FARP1: variants seen among roughly 807,000 people sequenced by gnomAD.
FARP1 encodes FERM, ARHGEF and pleckstrin domain-containing protein 1.
Under a neutral mutation model 128.8 loss-of-function variants are expected in FARP1, and 52 were observed. The ratio of observed to expected loss-of-function variants is 0.40; its 90% CI spans 0.32 to 0.51. The LOEUF is 0.51. FARP1 is among the 20% of genes least tolerant of loss of function. FARP1 has a pLI of 0.45. For missense variants in FARP1, 1,333 were observed against 1,367.9 expected (o/e 0.97, Z 0.40); for synonymous variants, 580 against 551.8 (o/e 1.05, Z -0.72).
intron 1 of FARP1, chr13:98,177,060 G>A (rs777202505): frequency 1.3e-6 from 2 of 1,595,506 alleles, no homozygotes; most frequent in Admixed American, 3.3e-5. Context: ...CCACCCGCGG[G>A]GGCTGAGCCA....
At chr13:98,376,351 A>C (rs1367454180) in intron 5 of FARP1, among the ~76,000 whole-genome samples, 3 of 152,186 alleles carry the variant, frequency 2.0e-5, no homozygotes, top group South Asian at 2.1e-4. Flanking sequence ...TTTAGCTCCC[A>C]AAAATAAGTG....
At chr13:98,150,080 C>T (rs1161363047) in intron 1 of FARP1, among the ~76,000 whole-genome samples, 1 of 151,450 alleles carries the variant, frequency 6.6e-6, no homozygotes, top group Non-Finnish European at 1.5e-5. Flanking sequence ...CTCTGTCACC[C>T]AGACTGGAGT....
chr13:98,231,590 G>A (rs1186312204), intron 2 of FARP1, among the ~76,000 whole-genome samples: 3 of 151,196 alleles, frequency 2.0e-5, no homozygotes, highest in African/African-American at 2.4e-5. Flanking sequence ...GGTGCCTGCC[G>A]CCATGCCCGG....
At chr13:98,157,171 A>T (rs1303514816) in intron 1 of FARP1, among the ~76,000 whole-genome samples, 2 of 152,224 alleles carry the variant, frequency 1.3e-5, no homozygotes, top group African/African-American at 4.8e-5. Context: ...TGACTGGAGT[A>T]GTCAAGAAAA....
chr13:98,316,032 T>C (rs1266402346), intron 2 of FARP1, among the ~76,000 whole-genome samples: 2 of 152,156 alleles, frequency 1.3e-5, no homozygotes, highest in East Asian at 1.9e-4. Flanking sequence ...ACCCGGGGAA[T>C]GCGGAGGAAT....
intron 2 of FARP1, chr13:98,334,079 T>C (rs1296580146): frequency 1.3e-5 from 2 of 149,560 alleles, no homozygotes. Context: ...GTGAAGTGGT[T>C]CAATCTTTAC....
At chr13:98,194,860 G>C (rs765764110) in intron 1 of FARP1, among the ~76,000 whole-genome samples, 7 of 152,152 alleles carry the variant, frequency 4.6e-5, no homozygotes, top group Non-Finnish European at 8.8e-5. Context: ...CATCAGTGGC[G>C]GGTATCTACT....
chr13:98,400,192 A>G (rs1283359901), intron 13 of FARP1: 1 of 152,254 alleles, frequency 6.6e-6, no homozygotes, highest in Admixed American at 6.5e-5. Flanking sequence ...TAGGCCTGCA[A>G]AACTAAAACA....
chr13:98,267,429 C>T (rs1192007672), intron 2 of FARP1, among the ~76,000 whole-genome samples: 1 of 152,208 alleles, frequency 6.6e-6, no homozygotes, highest in African/African-American at 2.4e-5. Context: ...TTTGCTCAAA[C>T]CTGTTCTTGA....
intron 24 of FARP1, among the ~76,000 whole-genome samples, chr13:98,441,080 C>G (rs1892504101): frequency 6.6e-6 from 1 of 152,248 alleles, no homozygotes; most frequent in South Asian, 2.1e-4. Flanking sequence ...TGGTGCTCAT[C>G]AGTCCTATTG....
intron 1 of FARP1, among the ~76,000 whole-genome samples, chr13:98,144,064 A>AG (rs1566657865): frequency 6.0e-5 from 8 of 133,422 alleles, no homozygotes; most frequent in Non-Finnish European, 1.1e-4. Flanking sequence ...TGCAGGGCAA[A>AG]GTTTTTTTTA....
chr13:98,430,381 G>C (rs1203768124), intron 17 of FARP1, among the ~76,000 whole-genome samples: 3 of 152,214 alleles, frequency 2.0e-5, no homozygotes, highest in African/African-American at 7.2e-5. Flanking sequence ...CCTGTCCTCT[G>C]CTCTCCCCCT....
chr13:98,328,001 A>G (rs1167674323), intron 2 of FARP1, among the ~76,000 whole-genome samples: 3 of 152,202 alleles, frequency 2.0e-5, no homozygotes, highest in Non-Finnish European at 4.4e-5. Context: ...TCACGGTCCC[A>G]TGTTCAAAAC....
chr13:98,164,743 A>G (rs1260177964), intron 1 of FARP1, among the ~76,000 whole-genome samples: 1 of 152,134 alleles, frequency 6.6e-6, no homozygotes, highest in Non-Finnish European at 1.5e-5. Context: ...GATCTCCAAA[A>G]TAGAGCCATG....
chr13:98,236,486 A>T (rs1362797390), intron 2 of FARP1, among the ~76,000 whole-genome samples: 3 of 152,172 alleles, frequency 2.0e-5, no homozygotes, highest in Non-Finnish European at 4.4e-5. Flanking sequence ...ACAGGTTTGA[A>T]CTTCTCAAGT....
rs1201818958 is a variant in FARP1, at chr13:98,367,173, T to TG, written c.320-943dup. Among the ~76,000 whole-genome samples the TG allele has an allele frequency of 4.3e-4, 57 of 133,142 alleles. No individual in the cohort carries two copies. In the East Asian group the frequency reaches 1.0e-2, roughly 23 times the overall value. 87.3% of individuals were successfully genotyped at this position (133,142 alleles called of 152,430 possible). ...TGATGATGATGATGATGATGATGAT[T>TG]GAGATGGAGTCTTGCTCTCTCACAC... On this transcript the variant is annotated intron_variant, in intron 4 of 26. Coordinates refer to ENST00000319562, the MANE Select transcript of FARP1 (RefSeq NM_005766.4).
In FARP1 at chr13:98,281,743, G is replaced by T. The variant is rs139656897; in HGVS notation, c.172-62019G>T. 9.9e-3 allele frequency among the ~76,000 whole-genome samples: 1,501 copies of T among 152,320 alleles called. 10 individuals carry two copies. The highest frequency in any genetic ancestry group is 0.015 in the Non-Finnish European group (1,002 of 68,022). On this transcript the variant is annotated intron_variant, in intron 2 of 26. Coordinates refer to ENST00000319562, the MANE Select transcript of FARP1 (RefSeq NM_005766.4). The stretch of plus-strand genomic sequence containing the variant: ...TACAGGGGAGTGATATTCCTCAGCT[G>T]TTATGAACTGCGAGGCCCTCTGATT...
chr13:98,206,993 G>A (rs1395958078), intron 1 of FARP1, among the ~76,000 whole-genome samples: 2 of 152,186 alleles, frequency 1.3e-5, no homozygotes, highest in Non-Finnish European at 2.9e-5. Flanking sequence ...TGTTGGATTT[G>A]TTTATCTGGA....
chr13:98,263,705 T>C (rs184224854), intron 2 of FARP1, among the ~76,000 whole-genome samples: 98 of 152,306 alleles, frequency 6.4e-4, no homozygotes, highest in Middle Eastern at 3.4e-3. Flanking sequence ...TAATAGTAGG[T>C]TATTGAGTAA....
Sources: allele counts gnomAD v4.1 joint callset (sites outside exome capture counted in the v4.1 genomes callset), GRCh38; gene constraint gnomAD v4.1.1; transcripts MANE v1.5; gene names NCBI Gene and HGNC (gene_info 2026-07-23, HGNC 2026-07-21).